The following ATP11A variants were observed in gnomAD, a reference collection of about 807,000 sequenced individuals.
ATP11A encodes phospholipid-transporting ATPase IH.
Under a neutral mutation model 154.4 loss-of-function variants are expected in ATP11A, and 81 were observed. The ratio of observed to expected loss-of-function variants is 0.52; its 90% confidence interval spans 0.44 to 0.63. ATP11A has a LOEUF of 0.63. ATP11A is among the 30% of genes least tolerant of loss of function. The pLI is 0.00. For synonymous variants in ATP11A, 623 were observed against 585.9 expected, an observed-to-expected ratio of 1.06 and a Z score of -0.91; for missense variants, 1,316 against 1,474.3, an observed-to-expected ratio of 0.89 and a Z score of 1.76.
intron 25 of ATP11A, among the ~76,000 whole-genome samples, chr13:112,864,911 AT>A: frequency 1.7e-5 from 1 of 57,390 alleles, no homozygotes; most frequent in Non-Finnish European, 3.9e-5. Flanking sequence ...AGCGGGGTCC[AT>A]CACCACCTGC....
intron 1 of ATP11A, among the ~76,000 whole-genome samples, chr13:112,731,655 G>A (rs1342430471): frequency 6.6e-6 from 1 of 152,186 alleles, no homozygotes; most frequent in Non-Finnish European, 1.5e-5. Flanking sequence ...AGGTGCGGGA[G>A]GAGACAGTAG....
At chr13:112,705,200 C>A (rs1474116188) in intron 1 of ATP11A, among the ~76,000 whole-genome samples, 1 of 152,200 alleles carries the variant, frequency 6.6e-6, no homozygotes, top group Non-Finnish European at 1.5e-5. Flanking sequence ...GCTGGAGCGA[C>A]TGTCATGGTG....
intron 6 of ATP11A, among the ~76,000 whole-genome samples, chr13:112,816,567 C>T (rs1013392508): frequency 5.3e-5 from 8 of 152,162 alleles, no homozygotes; most frequent in East Asian, 3.8e-4. Flanking sequence ...ATAACCTACT[C>T]GATGCGGCAA....
chr13:112,810,657 C>T lies in ATP11A; in HGVS notation c.372C>T (p.Ala124=). 6.2e-7 allele frequency: 1 copy of T among 1,614,104 alleles called. No homozygotes were observed. The highest frequency in any genetic ancestry group is 8.5e-7 in the Non-Finnish European group (1 of 1,180,006). The change falls in exon 5 of 30, where the codon GCC becomes GCT. Residue 124 remains alanine, a synonymous_variant. Coordinates refer to ENST00000375645, the MANE Select transcript of ATP11A (RefSeq NM_015205.3). ...EDWLRHKADN[A]MNQCPVHFIQ... is the part of the protein sequence containing the mutation. Reference sequence around the variant, plus strand: ...GGCTTCGACATAAAGCAGACAATGCCATGAACCAGTGTCCTGTTCATTTCA... The same window carrying T: ...GGCTTCGACATAAAGCAGACAATGCTATGAACCAGTGTCCTGTTCATTTCA...
At position 112,838,452 on chromosome 13, in the gene ATP11A, G is replaced by T. The variant is rs2079301389; in HGVS notation, c.1705+2201G>T. ...TGGAACATGCTGCCCGTGACCTGCGGGGCTGACCACGGTGCCCAAGAAGGC... is the reference window on the plus strand; with the variant it reads ...TGGAACATGCTGCCCGTGACCTGCGTGGCTGACCACGGTGCCCAAGAAGGC... On this transcript the variant is annotated intron_variant, in intron 16 of 29. Transcript: ENST00000375645. This position sits in a 1 kb window ranked among gnomAD's most constrained non-coding sequence, Gnocchi z 7.3. 6.6e-6 allele frequency among the ~76,000 whole-genome samples: 1 copy of T among 152,178 alleles called. No homozygotes were observed. Among genetic ancestry groups the T allele is most frequent in the Non-Finnish European group, 1.5e-5 (1 of 68,040 alleles).
In ATP11A at chr13:112,856,070, C is replaced by G; in HGVS notation, c.2403C>G (p.Pro801=). ...CSAVLCCRMA[P]LQKAQIVKLI... ...CGGTGCTCTGCTGCCGCATGGCGCC[C>G]TTGCAGAAGGCTCAGGTGCTGCCCG... The change falls in exon 20 of 30, where the codon CCC becomes CCG. Residue 801 remains proline (P), a synonymous_variant. Coordinates refer to ENST00000375645, the MANE Select transcript of ATP11A (RefSeq NM_015205.3). 6.2e-7 allele frequency: 1 copy of G among 1,612,916 alleles called. No individual in the cohort carries two copies.
At chr13:112,821,203 G>A (rs976426691) in intron 8 of ATP11A, among the ~76,000 whole-genome samples, 4 of 152,176 alleles carry the variant, frequency 2.6e-5, no homozygotes, top group African/African-American at 9.7e-5. Context: ...AAACATTGCA[G>A]GCTTTTCATC....
chr13:112,872,797 T>G (rs1625475), intron 26 of ATP11A, among the ~76,000 whole-genome samples: 43,132 of 108,488 alleles, frequency 0.4, 10,997 homozygotes, highest in South Asian at 0.55. Context: ...TCCTCTCCAC[T>G]CACACTGTGA....
intron 5 of ATP11A, among the ~76,000 whole-genome samples, chr13:112,811,165 C>CACACACACACACACACAA (rs1264835190): frequency 3.6e-5 from 5 of 138,908 alleles, no homozygotes; most frequent in African/African-American, 1.1e-4. Context: ...CCTTCCAACA[C>CACACACACACACACACAA]ACACACACAC....
At position 112,875,977 on chromosome 13, in the gene ATP11A, AG is replaced by A; in HGVS notation, c.3327+39del. ...TCCCCAGCCGGGGCGGGGGTGCCTCAGGGCCCTGGCCTTAGGATTGGGAGAT... is the reference window on the plus strand; with the variant it reads ...TCCCCAGCCGGGGCGGGGGTGCCTCAGGCCCTGGCCTTAGGATTGGGAGAT... On this transcript the variant is annotated intron_variant, in intron 28 of 29. Coordinates refer to ENST00000375645, the MANE Select transcript of ATP11A (RefSeq NM_015205.3). The surrounding 1 kb of genome is among the most constrained non-coding windows in gnomAD (Gnocchi z 4.1). 6.3e-7 allele frequency: 1 copy of A among 1,591,082 alleles called. No individual in the cohort carries two copies.
chr13:112,731,055 C>T (rs939214411), intron 1 of ATP11A, among the ~76,000 whole-genome samples: 1 of 152,200 alleles, frequency 6.6e-6, no homozygotes, highest in Non-Finnish European at 1.5e-5. Flanking sequence ...CCTGCCTCAG[C>T]CTCCTGAGTA....
intron 1 of ATP11A, among the ~76,000 whole-genome samples, chr13:112,779,095 G>A (rs1468020181): frequency 5.1e-5 from 6 of 117,388 alleles, no homozygotes; most frequent in Non-Finnish European, 8.8e-5. Context: ...GTGAGGAGTA[G>A]CCACTGGAGT....
chr13:112,831,307 T>C lies in ATP11A; in HGVS notation c.1222-68T>C, dbSNP rs1172027254. 3.2e-6 allele frequency: 5 copies of C among 1,546,876 alleles called. No individual in the cohort carries two copies. The Admixed American group carries it at 6.9e-5, about 21-fold the overall frequency. On this transcript the variant is annotated intron_variant, in intron 12 of 29. Coordinates refer to ENST00000375645, the MANE Select transcript of ATP11A (RefSeq NM_015205.3). ...GGAGCTGGGGAGGAAACACGGCTGC[T>C]GTGTGTCTGAGTCGGGGACGTGCGG...
chr13:112,834,663 A>G lies in ATP11A; in HGVS notation c.1631+3A>G, dbSNP rs767086937. 1.2e-6 allele frequency: 2 copies of G among 1,610,318 alleles called. No individual in the cohort carries two copies. Among genetic ancestry groups the G allele is most frequent in the Admixed American group, 1.7e-5 (1 of 60,020 alleles). On this transcript the variant is annotated splice_donor_region_variant and intron_variant, in intron 15 of 29. Transcript: ENST00000375645. ...AACAGGGAGAACCACATCGAAAGGT[A>G]TGTGCAGACCTCACCCTCAGATGTG... is the stretch of plus-strand genomic sequence containing the variant.
At chr13:112,773,068 A>C (rs894074303) in intron 1 of ATP11A, among the ~76,000 whole-genome samples, 4 of 152,128 alleles carry the variant, frequency 2.6e-5, no homozygotes, top group Non-Finnish European at 4.4e-5. Flanking sequence ...GGAGGGACTC[A>C]GGAGCCTCCC....
chr13:112,702,732 GA>G (rs1886717059), intron 1 of ATP11A, among the ~76,000 whole-genome samples: 1 of 44,964 alleles, frequency 2.2e-5, no homozygotes, highest in Admixed American at 2.3e-4. Context: ...ACGTGTGCAT[GA>G]GAGGAAGGCG....
At chr13:112,726,023 A>T (rs1172294620) in intron 1 of ATP11A, among the ~76,000 whole-genome samples, 1 of 152,244 alleles carries the variant, frequency 6.6e-6, no homozygotes, top group African/African-American at 2.4e-5. Flanking sequence ...TTTAGTTTTC[A>T]CCGACTCTGC....
intron 15 of ATP11A, among the ~76,000 whole-genome samples, chr13:112,835,380 T>G (rs2079204093): frequency 2.0e-5 from 3 of 152,138 alleles, no homozygotes; most frequent in Admixed American, 6.5e-5. Context: ...TTAGGGAAAA[T>G]AAACTCCCCA....
At chr13:112,842,946 C>A (rs573300896) in intron 17 of ATP11A, among the ~76,000 whole-genome samples, 18 of 152,370 alleles carry the variant, frequency 1.2e-4, no homozygotes, top group Admixed American at 7.8e-4. Flanking sequence ...GGTAGGGGGC[C>A]GGCCTGAGTG....
Sources: allele counts gnomAD v4.1 joint callset (sites outside exome capture counted in the v4.1 genomes callset), GRCh38; gene constraint gnomAD v4.1.1; non-coding constraint Gnocchi (gnomAD v3.1); transcripts MANE v1.5; gene names NCBI Gene and HGNC (gene_info 2026-07-23, HGNC 2026-07-21).